PRR27: variants seen among roughly 807,000 people sequenced by gnomAD.
PRR27 encodes the protein proline rich 27, also known as proline-rich protein 27.
Under a neutral mutation model 16.8 loss-of-function variants are expected in PRR27, and 12 were observed. That is an observed-to-expected ratio of 0.71 (90% CI 0.46 to 1.16). The LOEUF is 1.16. Ranked by LOEUF, PRR27 falls within the 50% of genes most tolerant of loss-of-function variation. The pLI is 0.00. For synonymous variants in PRR27, 100 were observed against 98.4 expected (o/e 1.02, Z -0.10); for missense variants, 277 against 273.3 (o/e 1.01, Z -0.10).
rs749742607 is a variant in PRR27, at chr4:70,158,446, A to T, written c.194A>T (p.Asn65Ile). The T allele has an allele frequency of 6.2e-7, 1 of 1,613,864 alleles. No homozygotes were observed. The highest frequency in any genetic ancestry group is 1.1e-5 in the South Asian group (1 of 91,064). Residue 65 changes from asparagine (N) to isoleucine (I), a missense_variant, in exon 3 of 5, where the codon AAT becomes ATT. Physicochemically the swap from Asn to Ile is moderately radical, Grantham distance 149 (BLOSUM62 -3). Coordinates refer to ENST00000344526, the MANE Select transcript of PRR27 (RefSeq NM_214711.4). The part of the protein sequence containing the change: ...PVNTVPSYPG[N>I]TYTDTGLPSY... Reference sequence around the variant, plus strand: ...AATACAGTCCCCAGTTACCCTGGGAATACTTACACTGACACAGGGTTACCT... The same window carrying T: ...AATACAGTCCCCAGTTACCCTGGGATTACTTACACTGACACAGGGTTACCT...
intron 3 of PRR27, among the ~76,000 whole-genome samples, chr4:70,159,386 C>T (rs1728584269): frequency 6.6e-6 from 1 of 152,166 alleles, no homozygotes; most frequent in Non-Finnish European, 1.5e-5. Context: ...TTTACCCATT[C>T]ATCTGTTGAA....
intron 3 of PRR27, 98 bp from the exon 4 acceptor site, chr4:70,161,488 T>A: frequency 1.5e-6 from 1 of 687,122 alleles, no homozygotes; most frequent in South Asian, 2.4e-5. Flanking sequence ...ACACAACTTC[T>A]CAGAGAAGAA....
chr4:70,166,176 A>G lies in PRR27; in HGVS notation c.*3515A>G, dbSNP rs935128317. On this transcript the variant is annotated 3_prime_UTR_variant, in exon 5 of 5. Transcript: ENST00000344526. ...TGTATTCATAGTTTCACTTTAATTG[A>G]TGTTTGCCATGAAAGATCAAATATA... 14 of 152,174 alleles carry G rather than the reference A, an allele frequency of 9.2e-5. No homozygotes were observed. The highest frequency in any genetic ancestry group is 8.5e-4 in the Admixed American group (13 of 15,280). 9.4% of individuals were successfully genotyped at this position (152,174 alleles called of 1,614,324 possible). A position where few individuals can be genotyped will look rare whatever the true frequency, so the allele number is the denominator to read the frequency against.
In PRR27 at chr4:70,158,933, T is replaced by A. The variant is rs753422931; in HGVS notation, c.648+33T>A. On this transcript the variant is annotated intron_variant, in intron 3 of 4. Transcript: ENST00000344526. Reference sequence around the variant, plus strand: ...GTTTATATCTTACCACTATAATGTATGAGAAATGAGATTTGTAGAAGGGGA... The same window carrying A: ...GTTTATATCTTACCACTATAATGTAAGAGAAATGAGATTTGTAGAAGGGGA... 1.1e-5 allele frequency: 17 copies of A among 1,541,080 alleles called. No homozygotes were observed. In the South Asian group the frequency reaches 2.1e-4, roughly 19 times the overall value.
At chr4:70,157,668 G>A (rs928085308) in intron 2 of PRR27, among the ~76,000 whole-genome samples, 3 of 151,854 alleles carry the variant, frequency 2.0e-5, no homozygotes, top group Non-Finnish European at 2.9e-5. Flanking sequence ...ACAGGCGCCC[G>A]CCACCACGCC....
In PRR27 at chr4:70,165,874, T is replaced by A. The variant is rs1304270642; in HGVS notation, c.*3213T>A. On this transcript the variant is annotated 3_prime_UTR_variant, in exon 5 of 5. Coordinates refer to ENST00000344526, the MANE Select transcript of PRR27 (RefSeq NM_214711.4). ...TCAACTGCAACAACCACTATACTTCTCCAGTGATTGCCAGATGGCCCACTA... is the reference window on the plus strand; with the variant it reads ...TCAACTGCAACAACCACTATACTTCACCAGTGATTGCCAGATGGCCCACTA... The A allele has an allele frequency of 2.0e-5, 3 of 152,240 alleles. No individual in the cohort carries two copies. Among genetic ancestry groups the A allele is most frequent in the Admixed American group, 2.0e-4 (3 of 15,286 alleles). The allele number at this position is 152,240 out of a possible 1,614,324, so 9.4% of individuals were successfully genotyped here.
At chr4:70,161,179 T>TATATATATACAC (rs527588905) in intron 3 of PRR27, among the ~76,000 whole-genome samples, 30 of 107,680 alleles carry the variant, frequency 2.8e-4, no homozygotes, top group African/African-American at 8.3e-4. Flanking sequence ...TATATATATA[T>TATATATATACAC]ACACACATAC....
Position 70,158,625 on chromosome 4 carries a change from G to A in PRR27, c.373G>A (p.Ala125Thr), listed in dbSNP as rs767531218. The A allele has an allele frequency of 2.0e-5, 33 of 1,613,812 alleles. No individual in the cohort carries two copies. The Admixed American group carries it at 2.2e-4, about 11-fold the overall frequency. The stretch of plus-strand genomic sequence containing the variant: ...GTTTTTTTCAGCAGCTGCAGCACCC[G>A]CTGCCCCACCTATTGCAGCTGAGCC... Reference protein sequence around the residue: ...SRFFSAAAAPAAPPIAAEPAA... With the variant: ...SRFFSAAAAPTAPPIAAEPAA... The change falls in exon 3 of 5, where the codon GCT (alanine) becomes ACT (threonine). Residue 125 changes from alanine to threonine, a missense_variant. Coordinates refer to ENST00000344526, the MANE Select transcript of PRR27 (RefSeq NM_214711.4).
intron 1 of PRR27, among the ~76,000 whole-genome samples, chr4:70,154,948 T>G (rs2109789144): frequency 6.6e-6 from 1 of 152,320 alleles, no homozygotes; most frequent in South Asian, 2.1e-4. Flanking sequence ...TGGCAAATTC[T>G]TAATCCTAGC....
intron 3 of PRR27, among the ~76,000 whole-genome samples, chr4:70,160,889 G>A (rs1018961036): frequency 6.6e-6 from 1 of 151,900 alleles, no homozygotes. Flanking sequence ...AAAACAAATG[G>A]AAGTTTAAAT....
rs985903848 is a variant in PRR27, at chr4:70,163,937, C to T, written c.*1276C>T. 1.3e-5 allele frequency: 2 copies of T among 150,616 alleles called. No individual in the cohort carries two copies. Among genetic ancestry groups the T allele is most frequent in the Non-Finnish European group, 2.9e-5 (2 of 67,830 alleles). 9.3% of individuals were successfully genotyped at this position (150,616 alleles called of 1,614,324 possible). ...TGTTGGTTTTGATCTTATCCAAGAA[C>T]CTTTGCCCTGATGTATGAATGACTA... On this transcript the variant is annotated 3_prime_UTR_variant, in exon 5 of 5. Transcript: ENST00000344526.
intron 1 of PRR27, chr4:70,154,807 C>T (rs1226841236): frequency 1.6e-6 from 2 of 1,280,404 alleles, no homozygotes; most frequent in East Asian, 5.4e-5. Context: ...TATGTACAGA[C>T]ATTAGGGATA....
intron 4 of PRR27, among the ~76,000 whole-genome samples, chr4:70,162,393 T>C (rs79413687): frequency 0.018 from 2,765 of 152,296 alleles, 67 homozygotes; most frequent in East Asian, 0.13. Context: ...CTAAAAGATA[T>C]CCATTTTTAG....
At chr4:70,161,541 A>G in intron 3 of PRR27, 45 bp from the exon 4 acceptor site, 1 of 1,272,498 alleles carries the variant, frequency 7.9e-7, no homozygotes, top group South Asian at 1.3e-5. Flanking sequence ...GAAATAAAGT[A>G]CATTTGATTG....
At chr4:70,154,701 T>A (rs1298194061) in intron 1 of PRR27, 4 of 1,311,208 alleles carry the variant, frequency 3.1e-6, no homozygotes, top group Non-Finnish European at 1.0e-6. Flanking sequence ...AAAAGCAGGA[T>A]CCCACGTAGA....
chr4:70,162,313 T>C (rs915540291), intron 4 of PRR27, among the ~76,000 whole-genome samples: 1 of 152,198 alleles, frequency 6.6e-6, no homozygotes, highest in Non-Finnish European at 1.5e-5. Context: ...TAAAGTAGAA[T>C]TGAAAAGCAA....
At chr4:70,156,432 C>T (rs868164209) in intron 2 of PRR27, among the ~76,000 whole-genome samples, 54 of 152,288 alleles carry the variant, frequency 3.5e-4, no homozygotes, top group Middle Eastern at 6.8e-3. Context: ...TCTGGAGATG[C>T]TCTGTCTGCA....
intron 4 of PRR27, among the ~76,000 whole-genome samples, chr4:70,162,315 G>T (rs1271050849): frequency 1.3e-5 from 2 of 152,172 alleles, no homozygotes; most frequent in African/African-American, 4.8e-5. Context: ...AAGTAGAATT[G>T]AAAAGCAAAT....
intron 2 of PRR27, among the ~76,000 whole-genome samples, chr4:70,156,334 A>T (rs1310772502): frequency 6.6e-6 from 1 of 152,126 alleles, no homozygotes; most frequent in East Asian, 1.9e-4. Context: ...GCTTAAGAAA[A>T]TTTTTGCCAT....
Sources: allele counts gnomAD v4.1 joint callset (sites outside exome capture counted in the v4.1 genomes callset), GRCh38; gene constraint gnomAD v4.1.1; transcripts MANE v1.5; gene names NCBI Gene and HGNC (gene_info 2026-07-23, HGNC 2026-07-21).